Variants in RNGTT observed in about 807,000 individuals in gnomAD.
RNGTT encodes mRNA-capping enzyme.
Under a neutral mutation model 79.3 loss-of-function variants are expected in RNGTT, and 33 were observed. The observed-to-expected ratio is 0.42, with a 90% CI of 0.32 to 0.56. The LOEUF is 0.56. RNGTT is among the 20% of genes least tolerant of loss of function. RNGTT has a pLI of 0.17. For missense variants in RNGTT, 497 were observed against 739.1 expected, an observed-to-expected ratio of 0.67 and a Z score of 3.80; for synonymous variants, 222 against 235.9, an observed-to-expected ratio of 0.94 and a Z score of 0.54.
chr6:88,925,627 T>A (rs1784296667), intron 4 of RNGTT, among the ~76,000 whole-genome samples: 1 of 151,530 alleles, frequency 6.6e-6, no homozygotes, highest in Non-Finnish European at 1.5e-5. Context: ...GCTGTTACTA[T>A]CATCATTAAT....
At chr6:88,875,912 T>C (rs1346969787) in intron 8 of RNGTT, among the ~76,000 whole-genome samples, 1 of 152,222 alleles carries the variant, frequency 6.6e-6, no homozygotes, top group Non-Finnish European at 1.5e-5. Flanking sequence ...CTACATTACT[T>C]ATATTAAGTG....
At chr6:88,919,579 G>C (rs536884740) in intron 4 of RNGTT, among the ~76,000 whole-genome samples, 25 of 151,988 alleles carry the variant, frequency 1.6e-4, no homozygotes, top group African/African-American at 6.0e-4. Flanking sequence ...CCTTGGCCTT[G>C]GTCTTCTGGG....
At chr6:88,958,125 G>C (rs1176002586) in intron 1 of RNGTT, among the ~76,000 whole-genome samples, 1 of 152,126 alleles carries the variant, frequency 6.6e-6, no homozygotes, top group Non-Finnish European at 1.5e-5. Flanking sequence ...CATAAAGTGG[G>C]GAAAGGACAC....
intron 11 of RNGTT, among the ~76,000 whole-genome samples, chr6:88,812,674 C>T (rs950771849): frequency 2.6e-5 from 4 of 152,102 alleles, no homozygotes; most frequent in Non-Finnish European, 2.9e-5. Flanking sequence ...AAGACGGACG[C>T]GTGAGACCAA....
chr6:88,638,805 A>G (rs1369687377), intron 14 of RNGTT, among the ~76,000 whole-genome samples: 4 of 152,146 alleles, frequency 2.6e-5, no homozygotes, highest in African/African-American at 9.6e-5. Context: ...TGTTTTTAAT[A>G]TACACTTTCC....
At chr6:88,776,355 C>T (rs1287632919) in intron 12 of RNGTT, among the ~76,000 whole-genome samples, 1 of 147,038 alleles carries the variant, frequency 6.8e-6, no homozygotes, top group African/African-American at 2.5e-5. Context: ...GTTTCCCTCT[C>T]GTTGCCCAGG....
At chr6:88,787,440 C>G (rs780436625) in intron 12 of RNGTT, among the ~76,000 whole-genome samples, 1 of 152,072 alleles carries the variant, frequency 6.6e-6, no homozygotes, top group Non-Finnish European at 1.5e-5. Context: ...GTGGGCGGAT[C>G]ACAAGGTCAA....
chr6:88,651,608 GA>G (rs1228642482), intron 14 of RNGTT, among the ~76,000 whole-genome samples: 2 of 150,808 alleles, frequency 1.3e-5, no homozygotes, highest in Non-Finnish European at 3.0e-5. Flanking sequence ...TGCTGACAAA[GA>G]AAAAAAGGAT....
intron 13 of RNGTT, among the ~76,000 whole-genome samples, chr6:88,766,558 G>A (rs888030930): frequency 1.3e-5 from 2 of 151,986 alleles, no homozygotes; most frequent in Non-Finnish European, 2.9e-5. Context: ...CAAATTTTCA[G>A]AAATGATAAT....
intron 13 of RNGTT, among the ~76,000 whole-genome samples, chr6:88,748,987 G>A (rs1349300716): frequency 6.6e-6 from 1 of 152,026 alleles, no homozygotes; most frequent in East Asian, 1.9e-4. Flanking sequence ...TTCTTTTGGG[G>A]TAAGAAGACA....
intron 13 of RNGTT, among the ~76,000 whole-genome samples, chr6:88,687,554 A>G (rs1417358092): frequency 6.6e-6 from 1 of 152,216 alleles, no homozygotes; most frequent in African/African-American, 2.4e-5. Context: ...GTGGTTAAAT[A>G]AGCTACGGTT....
At chr6:88,685,227 A>C (rs1437051716) in intron 13 of RNGTT, among the ~76,000 whole-genome samples, 1 of 152,166 alleles carries the variant, frequency 6.6e-6, no homozygotes, top group Non-Finnish European at 1.5e-5. Context: ...TCATCTGTAC[A>C]TCATGAATCT....
chr6:88,909,808 C>T lies in RNGTT; in HGVS notation c.368-3368G>A, dbSNP rs73506537. Reference sequence around the variant, plus strand: ...TTGAATTACACAGCAAAACAAAATACACTGCTTCAACATGCAAAGCCTGTG... The same window carrying T: ...TTGAATTACACAGCAAAACAAAATATACTGCTTCAACATGCAAAGCCTGTG... On this transcript the variant is annotated intron_variant, in intron 4 of 15. Coordinates refer to ENST00000369485, the MANE Select transcript of RNGTT (RefSeq NM_003800.5). Among the ~76,000 whole-genome samples the T allele has an allele frequency of 2.2e-3, 341 of 152,258 alleles. 1 individual carries two copies. The highest frequency in any genetic ancestry group is 7.9e-3 in the African/African-American group (330 of 41,526).
intron 13 of RNGTT, among the ~76,000 whole-genome samples, chr6:88,745,292 T>C (rs1777624875): frequency 6.6e-6 from 1 of 152,220 alleles, no homozygotes; most frequent in Non-Finnish European, 1.5e-5. Context: ...TTCTGTGGTA[T>C]TCTTGCAAAA....
chr6:88,755,876 C>T (rs1777994915), intron 13 of RNGTT, among the ~76,000 whole-genome samples: 1 of 143,434 alleles, frequency 7.0e-6, no homozygotes. Flanking sequence ...CAGAGAACTG[C>T]TTGAACCTGG....
intron 11 of RNGTT, among the ~76,000 whole-genome samples, chr6:88,830,261 A>G (rs972773270): frequency 5.9e-5 from 9 of 152,338 alleles, no homozygotes; most frequent in Admixed American, 3.9e-4. Context: ...AACTACATGG[A>G]AACTGAACAA....
intron 14 of RNGTT, among the ~76,000 whole-genome samples, chr6:88,657,894 C>A (rs1162785856): frequency 6.6e-6 from 1 of 152,310 alleles, no homozygotes; most frequent in East Asian, 1.9e-4. Context: ...CCCACAGTGT[C>A]TGCATTAAGC....
At chr6:88,754,991 C>CA (rs1458783950) in intron 13 of RNGTT, among the ~76,000 whole-genome samples, 1 of 152,166 alleles carries the variant, frequency 6.6e-6, no homozygotes, top group Non-Finnish European at 1.5e-5. Flanking sequence ...TTCCCCACTC[C>CA]ACACTCTATA....
chr6:88,647,301 ACT>A (rs1025786530), intron 14 of RNGTT, among the ~76,000 whole-genome samples: 42 of 152,168 alleles, frequency 2.8e-4, no homozygotes, highest in African/African-American at 9.9e-4. Flanking sequence ...TTCAACACAA[ACT>A]CTTGATGCTA....
Sources: gnomAD v4.1 joint callset for allele counts (sites outside exome capture counted in the v4.1 genomes callset) on GRCh38, gnomAD v4.1.1 for gene constraint, MANE v1.5 for transcripts, NCBI Gene and HGNC (gene_info 2026-07-23, HGNC 2026-07-21) for gene names.